Variants in BRD8 observed in about 807,000 individuals in gnomAD.
The protein encoded by BRD8 is bromodomain-containing protein 8.
A neutral mutation model predicts 143.1 loss-of-function variants in BRD8; 67 were observed. The ratio of observed to expected loss-of-function variants is 0.47; its 90% confidence interval spans 0.38 to 0.57. The LOEUF is 0.57. BRD8 is among the 20% of genes least tolerant of loss of function. BRD8 has a pLI of 0.00. For missense variants in BRD8, 1,103 were observed against 1,503.0 expected, an observed-to-expected ratio of 0.73 and a Z score of 4.40; for synonymous variants, 505 against 517.1, an observed-to-expected ratio of 0.98 and a Z score of 0.32.
chr5:138,156,957 T>C (rs1211287942), intron 20 of BRD8: 7 of 1,290,926 alleles, frequency 5.4e-6, no homozygotes, highest in African/African-American at 1.5e-5. Context: ...GTCTGTACAA[T>C]TGACAAGACA....
Position 138,170,347 on chromosome 5 carries a change from T to G in BRD8, c.503A>C (p.Gln168Pro), listed in dbSNP as rs768995933. 1 of 1,608,248 alleles carries G rather than the reference T, an allele frequency of 6.2e-7. No individual in the cohort carries two copies. Among genetic ancestry groups the G allele is most frequent in the East Asian group, 2.2e-5 (1 of 44,850 alleles). ...GAGGCATACTAGGTTCAGCTTACCC[T>G]GGTATGCAGCATCTGTAGCCTTCCT... ...VKRKATDAAYQARQAVKTPPR... is the reference protein window; with the variant it reads ...VKRKATDAAYPARQAVKTPPR... Residue 168 changes from glutamine to proline, a missense_variant and splice_region_variant, in exon 7 of 27, where the codon CAG becomes CCG. This residue lies in a region of BRD8 where 334 missense variants were observed against 372.5 expected (regional missense o/e 0.90). Coordinates refer to ENST00000254900, the MANE Select transcript of BRD8 (RefSeq NM_139199.2).
rs201920874 is a variant in BRD8, at chr5:138,169,244, G to A, written c.620C>T (p.Thr207Ile). ...DYPLGDLTPT[T>I]MEEATSGVNE... ...CACCCCAGAGGTAGCCTCTTCCATA[G>A]TGGTTGGAGTCAAGTCCCCAAGTGG... Residue 207 changes from threonine to isoleucine, a missense_variant, in exon 8 of 27, where the codon ACT becomes ATT. Coordinates refer to ENST00000254900, the MANE Select transcript of BRD8 (RefSeq NM_139199.2). 22 of 1,614,028 alleles carry A rather than the reference G, an allele frequency of 1.4e-5. No individual in the cohort carries two copies. In the East Asian group the frequency reaches 4.7e-4, roughly 34 times the overall value.
In BRD8 at chr5:138,140,613, C is replaced by A; in HGVS notation, c.3615+92G>T. ...GGCCTTAATCACCTTTAAAAATAAA[C>A]TCTGAGAACACAGTCACCTCGAAAT... On this transcript the variant is annotated intron_variant, in intron 26 of 26. Coordinates refer to ENST00000254900, the MANE Select transcript of BRD8 (RefSeq NM_139199.2). 2.1e-6 allele frequency: 3 copies of A among 1,415,880 alleles called. 1 individual carries two copies. In the South Asian group the frequency reaches 3.5e-5, roughly 16 times the overall value. 87.7% of individuals were successfully genotyped at this position (1,415,880 alleles called of 1,614,324 possible).
At chr5:138,171,015 T>A (rs1474353072) in intron 5 of BRD8, 23 bp downstream of exon 5, 3 of 1,611,708 alleles carry the variant, frequency 1.9e-6, no homozygotes, top group South Asian at 2.2e-5. Flanking sequence ...TCTCAATTTT[T>A]TGGCATTCTC....
At chr5:138,162,230 C>T in intron 15 of BRD8, 84 bp from the exon 16 acceptor site, 1 of 1,074,510 alleles carries the variant, frequency 9.3e-7, no homozygotes, top group Non-Finnish European at 1.3e-6. Flanking sequence ...GACAGGGTCT[C>T]ACTCTGTCCC....
At chr5:138,161,909 T>C (rs1370281445) in intron 16 of BRD8, 45 bp from the exon 17 acceptor site, 1 of 1,605,620 alleles carries the variant, frequency 6.2e-7, no homozygotes, top group East Asian at 2.2e-5. Flanking sequence ...TCTCCAGAAG[T>C]GCAGGGAGGG....
Position 138,150,947 on chromosome 5 carries a change from G to A in BRD8, c.2918C>T (p.Pro973Leu), listed in dbSNP as rs1306046977. 4.3e-6 allele frequency: 7 copies of A among 1,614,030 alleles called. 1 individual carries two copies. Among genetic ancestry groups the A allele is most frequent in the Admixed American group, 3.3e-5 (2 of 60,002 alleles). ...SSNESSEGCC[P>L]PSGTRQEGRE... Reference sequence around the variant, plus strand: ...TCCTTCTTGTCTGGTACCAGATGGAGGGCAGCAGCCTTCACTTGATTCGTT... The same window carrying A: ...TCCTTCTTGTCTGGTACCAGATGGAAGGCAGCAGCCTTCACTTGATTCGTT... The change falls in exon 22 of 27, where the codon CCT becomes CTT. Residue 973 changes from proline to leucine, a missense_variant. Pro to Leu is a moderately conservative substitution (Grantham distance 98). Coordinates refer to ENST00000254900, the MANE Select transcript of BRD8 (RefSeq NM_139199.2).
At position 138,145,164 on chromosome 5, in the gene BRD8, C is replaced by G. The variant is rs1752098545; in HGVS notation, c.3437+13G>C. 1.2e-6 allele frequency: 2 copies of G among 1,608,994 alleles called. No homozygotes were observed. The highest frequency in any genetic ancestry group is 1.7e-6 in the Non-Finnish European group (2 of 1,178,644). On this transcript the variant is annotated intron_variant, in intron 25 of 26. Coordinates refer to ENST00000254900, the MANE Select transcript of BRD8 (RefSeq NM_139199.2). ...AAAAGCAACCAACCTTTCTTGACCC[C>G]TTTTTCACTGACCTTTTCACCACAT...
intron 20 of BRD8, among the ~76,000 whole-genome samples, chr5:138,158,836 G>A (rs1343073657): frequency 6.6e-6 from 1 of 151,726 alleles, no homozygotes. Flanking sequence ...TATGAACAGT[G>A]CAGCCTTGAC....
chr5:138,156,865 CACAG>C, intron 20 of BRD8: 1 of 1,065,108 alleles, frequency 9.4e-7, no homozygotes, highest in Non-Finnish European at 1.1e-6. Flanking sequence ...CACACACACA[CACAG>C]AACAAGCCAA....
chr5:138,156,847 C>CAA (rs1561604205), intron 20 of BRD8: 2 of 1,027,778 alleles, frequency 1.9e-6, no homozygotes, highest in Non-Finnish European at 2.3e-6. Flanking sequence ...CACACACACA[C>CAA]ACACACACAC....
chr5:138,144,650 C>A (rs929962025), intron 25 of BRD8, among the ~76,000 whole-genome samples: 12 of 152,092 alleles, frequency 7.9e-5, no homozygotes, highest in Non-Finnish European at 1.2e-4. Context: ...CACCTATAAT[C>A]CCAGCCTTTG....
At chr5:138,158,020 C>T (rs1752716385) in intron 20 of BRD8, 1 of 152,144 alleles carries the variant, frequency 6.6e-6, no homozygotes, top group South Asian at 2.1e-4. Flanking sequence ...TATGCAAGGA[C>T]TCTAAAATTT....
intron 7 of BRD8, among the ~76,000 whole-genome samples, chr5:138,170,024 T>C (rs193251977): frequency 1.5e-4 from 23 of 152,308 alleles, no homozygotes; most frequent in Non-Finnish European, 2.9e-4. Context: ...TTCCTAGAGT[T>C]GTAAATGCTT....
chr5:138,176,229 C>CA (rs1030436821), intron 2 of BRD8, among the ~76,000 whole-genome samples: 104 of 150,542 alleles, frequency 6.9e-4, no homozygotes, highest in African/African-American at 2.5e-3. Flanking sequence ...TTAAAAAAAA[C>CA]AAAAAAAAGT....
intron 2 of BRD8, among the ~76,000 whole-genome samples, chr5:138,174,048 ATTTC>A (rs1754107702): frequency 6.6e-6 from 1 of 151,990 alleles, no homozygotes; most frequent in African/African-American, 2.4e-5. Context: ...ATCATATGGT[ATTTC>A]TTTATGTGTC....
chr5:138,169,577 A>G (rs1206509660), intron 7 of BRD8, among the ~76,000 whole-genome samples: 1 of 152,208 alleles, frequency 6.6e-6, no homozygotes, highest in Non-Finnish European at 1.5e-5. Flanking sequence ...TCCTTTAACA[A>G]TCTCAAACTA....
At chr5:138,167,831 C>G in intron 9 of BRD8, 103 bp downstream of exon 9, 2 of 1,068,586 alleles carry the variant, frequency 1.9e-6, no homozygotes, top group Non-Finnish European at 2.9e-6. Context: ...AAAAGTTGGG[C>G]TTTAAATCTA....
At chr5:138,144,898 C>CAAAAAAAAA (rs34496046) in intron 25 of BRD8, among the ~76,000 whole-genome samples, 1 of 103,532 alleles carries the variant, frequency 9.7e-6, no homozygotes, top group African/African-American at 3.8e-5. Flanking sequence ...GAGACCCTGT[C>CAAAAAAAAA]AAAAAAAAAA....
Sources: gnomAD v4.1 joint callset for allele counts (sites outside exome capture counted in the v4.1 genomes callset) on GRCh38, gnomAD v4.1.1 for gene constraint, gnomAD v4.1.1 regional missense constraint, MANE v1.5 for transcripts, NCBI Gene and HGNC (gene_info 2026-07-23, HGNC 2026-07-21) for gene names.